RALGPS1: variants seen among roughly 807,000 people sequenced by gnomAD.
RALGPS1 encodes ras-specific guanine nucleotide-releasing factor RalGPS1.
A neutral mutation model predicts 78.8 loss-of-function variants in RALGPS1; 19 were observed. That is an observed-to-expected ratio of 0.24 (90% confidence interval 0.17 to 0.35). The LOEUF is 0.35. Ranked by LOEUF, RALGPS1 falls within the 10% of genes least tolerant of loss-of-function variation. RALGPS1 has a pLI of 1.00. For missense variants in RALGPS1, 454 were observed against 688.3 expected, an observed-to-expected ratio of 0.66 and a Z score of 3.81; for synonymous variants, 228 against 256.3, an observed-to-expected ratio of 0.89 and a Z score of 1.06.
intron 1 of RALGPS1, among the ~76,000 whole-genome samples, chr9:126,946,299 C>A (rs560767397): frequency 2.0e-5 from 3 of 152,076 alleles, no homozygotes; most frequent in African/African-American, 7.2e-5. Context: ...CTCGGGAGGC[C>A]GAGATGGGCA....
chr9:127,103,572 A>G (rs11792699), intron 8 of RALGPS1, among the ~76,000 whole-genome samples: 56,989 of 152,124 alleles, frequency 0.37, 12,508 homozygotes, highest in Non-Finnish European at 0.48. Flanking sequence ...AGTTGGGTCC[A>G]TTTGCTGGGA....
intron 10 of RALGPS1, among the ~76,000 whole-genome samples, chr9:127,170,236 G>A (rs985182095): frequency 6.6e-6 from 1 of 152,160 alleles, no homozygotes; most frequent in African/African-American, 2.4e-5. Context: ...TTCAAGCAGT[G>A]TCCCACCTGG....
intron 4 of RALGPS1, among the ~76,000 whole-genome samples, chr9:127,009,381 G>A (rs187128410): frequency 6.6e-5 from 10 of 152,230 alleles, no homozygotes; most frequent in Admixed American, 5.9e-4. Flanking sequence ...CTCAACACCT[G>A]TGGCCCAACA....
In RALGPS1 at chr9:127,186,605, G is replaced by GC. The variant is rs530626009; in HGVS notation, c.911-8480dup. ...GAGGGTGTCACTTACTGGCAGAGAGGCCCCCCATCCCTGGGGCCCAGTTGA... is the reference window on the plus strand; with the variant it reads ...GAGGGTGTCACTTACTGGCAGAGAGGCCCCCCCATCCCTGGGGCCCAGTTGA... On this transcript the variant is annotated intron_variant, in intron 11 of 18. Coordinates refer to ENST00000259351, the MANE Select transcript of RALGPS1 (RefSeq NM_014636.3). Among the ~76,000 whole-genome samples the GC allele has an allele frequency of 2.0e-4, 31 of 152,346 alleles. No individual in the cohort carries two copies. The South Asian group carries it at 4.8e-3, about 23-fold the overall frequency.
intron 8 of RALGPS1, among the ~76,000 whole-genome samples, chr9:127,081,086 C>T (rs1389531560): frequency 2.0e-5 from 3 of 152,196 alleles, no homozygotes; most frequent in Admixed American, 6.5e-5. Flanking sequence ...CTTTACAGTG[C>T]CTACTGCTGG....
chr9:126,920,065 G>A (rs998436176), intron 1 of RALGPS1, among the ~76,000 whole-genome samples: 2 of 152,088 alleles, frequency 1.3e-5, no homozygotes, highest in African/African-American at 4.8e-5. Flanking sequence ...TCATGTTATT[G>A]CATGTGTGAC....
At chr9:127,064,971 G>A (rs1347061978) in intron 7 of RALGPS1, among the ~76,000 whole-genome samples, 1 of 150,664 alleles carries the variant, frequency 6.6e-6, no homozygotes, top group African/African-American at 2.4e-5. Flanking sequence ...TTTTGTTTTG[G>A]GTCTTTCTAT....
At chr9:127,210,757 G>A (rs911525467) in intron 14 of RALGPS1, 26 of 1,550,528 alleles carry the variant, frequency 1.7e-5, no homozygotes, top group Admixed American at 3.9e-5. Context: ...AATTCTCCCA[G>A]AACCCGGAGC....
At chr9:127,030,054 A>G (rs550003400) in intron 4 of RALGPS1, among the ~76,000 whole-genome samples, 7 of 152,312 alleles carry the variant, frequency 4.6e-5, no homozygotes, top group African/African-American at 1.4e-4. Context: ...TGACTGTCAG[A>G]TGAATGTCTA....
At chr9:127,195,344 G>T in intron 12 of RALGPS1, 127 bp downstream of exon 12, 1 of 1,303,488 alleles carries the variant, frequency 7.7e-7, no homozygotes, top group Non-Finnish European at 1.0e-6. Context: ...GCTGATGAGA[G>T]CTCTTGGAAT....
At chr9:126,978,472 A>G (rs2040899305) in intron 4 of RALGPS1, among the ~76,000 whole-genome samples, 1 of 151,506 alleles carries the variant, frequency 6.6e-6, no homozygotes, top group Non-Finnish European at 1.5e-5. Context: ...AGATCAGGTA[A>G]ACAAAAATCC....
rs879931163 is a variant in RALGPS1, at chr9:127,212,074, G to A, written c.1248-57G>A. 30 of 1,404,138 alleles carry A rather than the reference G, an allele frequency of 2.1e-5. No individual in the cohort carries two copies. In the South Asian group the frequency reaches 3.7e-4, roughly 17 times the overall value. The allele number at this position is 1,404,138 out of a possible 1,614,324, so 87.0% of individuals were successfully genotyped here. A position where few individuals can be genotyped will look rare whatever the true frequency, so the allele number is the denominator to read the frequency against. On this transcript the variant is annotated intron_variant, in intron 14 of 18. Coordinates refer to ENST00000259351, the MANE Select transcript of RALGPS1 (RefSeq NM_014636.3). The surrounding 1 kb of genome is among the most constrained non-coding windows in gnomAD (Gnocchi z 6.0). ...GGCACCTGTGGTCCCCAGTGAGTGA[G>A]AGGGTGCTTGACCTCAGCTCCTCCA...
chr9:127,060,587 C>T lies in RALGPS1; in HGVS notation c.483+7648C>T, dbSNP rs934784168. Among the ~76,000 whole-genome samples the T allele has an allele frequency of 2.0e-5, 3 of 152,086 alleles. No homozygotes were observed. The South Asian group carries it at 6.2e-4, about 32-fold the overall frequency. On this transcript the variant is annotated intron_variant, in intron 7 of 18. Transcript: ENST00000259351. ...TCTTGACTATTCTCGAATGGGTTGG[C>T]AGAGGCTTCCATCCTTGTATGACAG...
chr9:126,946,714 T>TA lies in RALGPS1; in HGVS notation c.-65-15510dup, dbSNP rs528399145. On this transcript the variant is annotated intron_variant, in intron 1 of 18. Coordinates refer to ENST00000259351, the MANE Select transcript of RALGPS1 (RefSeq NM_014636.3). Reference sequence around the variant, plus strand: ...CTGATGCACCCAGGGCTTTTGTGGGTATCTGGTATGTCTGAGGTAGACCAC... The same window carrying TA: ...CTGATGCACCCAGGGCTTTTGTGGGTAATCTGGTATGTCTGAGGTAGACCAC... Among the ~76,000 whole-genome samples the TA allele has an allele frequency of 8.0e-4, 122 of 151,996 alleles. 1 individual carries two copies. The highest frequency in any genetic ancestry group is 2.7e-3 in the African/African-American group (113 of 41,444).
At chr9:127,204,664 G>T (rs2140892877) in intron 14 of RALGPS1, among the ~76,000 whole-genome samples, 1 of 152,300 alleles carries the variant, frequency 6.6e-6, no homozygotes, top group Non-Finnish European at 1.5e-5. Context: ...AGAGTGCTGT[G>T]GGGTGGTGCT....
At chr9:127,074,391 T>C (rs2050497038) in intron 8 of RALGPS1, among the ~76,000 whole-genome samples, 1 of 152,232 alleles carries the variant, frequency 6.6e-6, no homozygotes, top group Non-Finnish European at 1.5e-5. Flanking sequence ...TACCATAAAC[T>C]GCAGTGTCTT....
Position 127,031,842 on chromosome 9 carries a change from A to G in RALGPS1, c.217-2589A>G, listed in dbSNP as rs150861528. Among the ~76,000 whole-genome samples, 3 of 152,374 alleles carry G rather than the reference A, an allele frequency of 2.0e-5. No homozygotes were observed. The East Asian group carries it at 5.8e-4, about 29-fold the overall frequency. On this transcript the variant is annotated intron_variant, in intron 4 of 18. Transcript: ENST00000259351. ...AATTGTTAAAACCCAATAACTCCAC[A>G]TAGAGTTTTTGAATTAGGGTCTTAG...
intron 8 of RALGPS1, among the ~76,000 whole-genome samples, chr9:127,075,904 G>A (rs1345152661): frequency 2.6e-5 from 4 of 152,186 alleles, no homozygotes; most frequent in South Asian, 2.1e-4. Flanking sequence ...TGTAGTACTA[G>A]CCTTTGTTAC....
At chr9:127,050,325 CT>C (rs1381398613) in intron 6 of RALGPS1, among the ~76,000 whole-genome samples, 193 bp downstream of exon 6, 1 of 152,200 alleles carries the variant, frequency 6.6e-6, no homozygotes, top group Non-Finnish European at 1.5e-5. Context: ...CACTAGCCCC[CT>C]AGCACCTTGT....
Sources: gnomAD v4.1 joint callset for allele counts (sites outside exome capture counted in the v4.1 genomes callset) on GRCh38, gnomAD v4.1.1 for gene constraint, Gnocchi (gnomAD v3.1) non-coding constraint, MANE v1.5 for transcripts, NCBI Gene and HGNC (gene_info 2026-07-23, HGNC 2026-07-21) for gene names.